Variants in TBC1D4 observed in about 807,000 individuals in gnomAD.
TBC1D4 encodes TBC (Tre-2, BUB2, CDC16) domain-containing protein.
TBC1D4 carries 121 observed loss-of-function variants against 142.5 expected under a neutral mutation model. The ratio of observed to expected loss-of-function variants is 0.85; its 90% CI spans 0.73 to 0.99. TBC1D4 has a LOEUF of 0.99. TBC1D4 is among the 50% of genes least tolerant of loss of function. TBC1D4 has a pLI of 0.00. For missense variants in TBC1D4, 1,475 were observed against 1,606.6 expected (o/e 0.92, Z 1.40); for synonymous variants, 630 against 628.2 (o/e 1.00, Z -0.04).
At chr13:75,457,059 T>C (rs1277197371) in intron 1 of TBC1D4, among the ~76,000 whole-genome samples, 1 of 152,054 alleles carries the variant, frequency 6.6e-6, no homozygotes, top group Non-Finnish European at 1.5e-5. Flanking sequence ...TCTATTTATA[T>C]AAAGTTCAGG....
chr13:75,294,528 GA>G (rs1875679286), intron 18 of TBC1D4, among the ~76,000 whole-genome samples: 1 of 152,128 alleles, frequency 6.6e-6, no homozygotes, highest in South Asian at 2.1e-4. Context: ...TAAAAATCTG[GA>G]AAATTATACA....
intron 11 of TBC1D4, among the ~76,000 whole-genome samples, chr13:75,320,672 T>C (rs1479678104): frequency 6.6e-6 from 1 of 152,020 alleles, no homozygotes; most frequent in Admixed American, 6.6e-5. Flanking sequence ...TTCAGGATAG[T>C]GGTCCTGGAA....
chr13:75,362,629 C>G lies in TBC1D4; in HGVS notation c.499-22G>C. 6.2e-7 allele frequency: 1 copy of G among 1,612,768 alleles called. No homozygotes were observed. The highest frequency in any genetic ancestry group is 1.7e-4 in the Middle Eastern group (1 of 6,060). On this transcript the variant is annotated intron_variant, in intron 1 of 20. Transcript: ENST00000377636. This position sits in a 1 kb window ranked among gnomAD's most constrained non-coding sequence, Gnocchi z 4.2. ...GAACCTGGGGGAAAAAATTAAAACC[C>G]TGATTCTAGTTGAAAGTTTTGAGAC...
chr13:75,457,211 T>C (rs1887773862), intron 1 of TBC1D4, among the ~76,000 whole-genome samples: 1 of 152,174 alleles, frequency 6.6e-6, no homozygotes, highest in South Asian at 2.1e-4. Flanking sequence ...TGACATGGGA[T>C]ATATATTATA....
intron 1 of TBC1D4, among the ~76,000 whole-genome samples, chr13:75,404,179 C>T (rs1885227504): frequency 6.6e-6 from 1 of 151,904 alleles, no homozygotes; most frequent in African/African-American, 2.4e-5. Context: ...AAAGATGGCG[C>T]AGTAAGAAAA....
At chr13:75,480,873 G>GCACACACACACACACA (rs71657792) in intron 1 of TBC1D4, among the ~76,000 whole-genome samples, 5 of 98,788 alleles carry the variant, frequency 5.1e-5, no homozygotes, top group Admixed American at 2.2e-4. Flanking sequence ...GCGCGCACAC[G>GCACACACACACACACA]CACGCACACA....
intron 17 of TBC1D4, 42 bp downstream of exon 17, chr13:75,299,288 G>A: frequency 3.1e-6 from 5 of 1,612,492 alleles, no homozygotes; most frequent in Middle Eastern, 1.9e-4. Flanking sequence ...AGGATTTCTG[G>A]TAATAGTCTC....
At chr13:75,356,070 T>G in intron 4 of TBC1D4, 77 bp downstream of exon 4, 1 of 1,094,808 alleles carries the variant, frequency 9.1e-7, no homozygotes, top group Non-Finnish European at 1.4e-6. Context: ...ATTGCAAGGC[T>G]TGGGCTCCTA....
intron 1 of TBC1D4, among the ~76,000 whole-genome samples, chr13:75,415,911 C>T (rs535614926): frequency 1.1e-4 from 17 of 152,296 alleles, no homozygotes; most frequent in South Asian, 1.0e-3. Flanking sequence ...CAAGTTTCCT[C>T]CTTGGCCATT....
In TBC1D4 at chr13:75,326,437, G is replaced by A. The variant is rs756919495; in HGVS notation, c.1807-14C>T. ...TGGTGAGTAGTCCTGAAACACAAGC[G>A]GAAGGGAGCCCTTTATTTCCCACGT... On this transcript the variant is annotated splice_polypyrimidine_tract_variant and intron_variant, in intron 9 of 20. Transcript: ENST00000377636. The A allele has an allele frequency of 2.5e-5, 41 of 1,613,584 alleles. No individual in the cohort carries two copies. Among genetic ancestry groups the A allele is most frequent in the Non-Finnish European group, 3.2e-5 (38 of 1,179,722 alleles).
intron 1 of TBC1D4, among the ~76,000 whole-genome samples, chr13:75,459,395 C>T (rs1189001185): frequency 6.6e-6 from 1 of 152,082 alleles, no homozygotes; most frequent in African/African-American, 2.4e-5. Flanking sequence ...TTGTATGGCT[C>T]CCTCATAAAT....
At chr13:75,342,744 CA>C in intron 5 of TBC1D4, among the ~76,000 whole-genome samples, 1 of 151,666 alleles carries the variant, frequency 6.6e-6, no homozygotes, top group East Asian at 1.9e-4. Flanking sequence ...AAAGAAGATT[CA>C]AAGAAAAAGA....
intron 17 of TBC1D4, 96 bp downstream of exon 17, chr13:75,299,234 C>T: frequency 1.3e-6 from 2 of 1,586,270 alleles, no homozygotes; most frequent in South Asian, 1.1e-5. Flanking sequence ...GACAATGGCT[C>T]TACATTTCTT....
rs575073672 is a variant in TBC1D4 at position 75,333,304 on chromosome 13, G to C, written c.1731+3617C>G. 2.0e-5 allele frequency among the ~76,000 whole-genome samples: 3 copies of C among 152,286 alleles called. No homozygotes were observed. The South Asian group carries it at 6.2e-4, about 32-fold the overall frequency. Reference sequence around the variant, plus strand: ...CAGGCAGTGTGCTGGGTACAGAAAAGAGCCCTTATTGATGACTGTACAATG... The same window carrying C: ...CAGGCAGTGTGCTGGGTACAGAAAACAGCCCTTATTGATGACTGTACAATG... On this transcript the variant is annotated intron_variant, in intron 8 of 20. Coordinates refer to ENST00000377636, the MANE Select transcript of TBC1D4 (RefSeq NM_014832.5).
At chr13:75,303,021 A>G (rs1461490220) in intron 15 of TBC1D4, among the ~76,000 whole-genome samples, 1 of 152,226 alleles carries the variant, frequency 6.6e-6, no homozygotes, top group East Asian at 1.9e-4. Context: ...TATGGGCATT[A>G]AAAATGAAAG....
At chr13:75,296,077 G>T (rs1593870653) in intron 17 of TBC1D4, among the ~76,000 whole-genome samples, 1 of 130,760 alleles carries the variant, frequency 7.6e-6, no homozygotes, top group East Asian at 1.9e-4. Context: ...ACAAAAAATT[G>T]TTTGTTCAAT....
At chr13:75,480,031 C>CAAAAAAAA (rs59073862) in intron 1 of TBC1D4, among the ~76,000 whole-genome samples, 1 of 144,716 alleles carries the variant, frequency 6.9e-6, no homozygotes. Flanking sequence ...GACTCCGTCT[C>CAAAAAAAA]AAAAAAAAAA....
At chr13:75,289,671 T>C (rs1279971009) in intron 19 of TBC1D4, among the ~76,000 whole-genome samples, 1 of 152,168 alleles carries the variant, frequency 6.6e-6, no homozygotes, top group Admixed American at 6.6e-5. Context: ...TTAAGAGTCA[T>C]TTACATATTG....
intron 1 of TBC1D4, among the ~76,000 whole-genome samples, chr13:75,388,156 C>A (rs1189081666): frequency 6.6e-6 from 1 of 152,192 alleles, no homozygotes; most frequent in Non-Finnish European, 1.5e-5. Context: ...CTTCCTCTTC[C>A]CTGTTAAGAA....
Sources: allele counts gnomAD v4.1 joint callset (sites outside exome capture counted in the v4.1 genomes callset), GRCh38; gene constraint gnomAD v4.1.1; non-coding constraint Gnocchi (gnomAD v3.1); transcripts MANE v1.5; gene names NCBI Gene and HGNC (gene_info 2026-07-23, HGNC 2026-07-21).